UGT2A2: variants seen among roughly 807,000 people sequenced by gnomAD.
UGT2A2 encodes UDP-glucuronosyltransferase 2A2.
Under a neutral mutation model 50.7 loss-of-function variants are expected in UGT2A2, and 60 were observed. The observed-to-expected ratio is 1.18, with a 90% confidence interval of 0.96 to 1.47. UGT2A2 has a LOEUF of 1.47. Among genes scored for constraint, UGT2A2 ranks in the 40% most tolerant of loss-of-function variants. The pLI is 0.00. For missense variants in UGT2A2, 762 were observed against 634.0 expected (o/e 1.20, Z -2.17); for synonymous variants, 242 against 214.6 (o/e 1.13, Z -1.11).
chr4:69,637,463 G>A (rs912609965), intron 1 of UGT2A2, among the ~76,000 whole-genome samples: 2 of 152,092 alleles, frequency 1.3e-5, no homozygotes, highest in Admixed American at 6.5e-5. Flanking sequence ...ATTCAAGTTA[G>A]TTTATGTGTA....
chr4:69,596,509 CA>C, intron 2 of UGT2A2, 128 bp from the exon 3 acceptor site: 1 of 1,267,052 alleles, frequency 7.9e-7, no homozygotes, highest in South Asian at 2.4e-5. Context: ...TGTCTTCTGA[CA>C]TGTAGAAAGA....
chr4:69,612,162 A>G (rs1309340330), intron 1 of UGT2A2, among the ~76,000 whole-genome samples: 1 of 152,084 alleles, frequency 6.6e-6, no homozygotes, highest in Non-Finnish European at 1.5e-5. Flanking sequence ...ACAAGACTTC[A>G]TGTATGAAAA....
intron 1 of UGT2A2, among the ~76,000 whole-genome samples, chr4:69,608,263 C>G (rs1021666300): frequency 4.4e-4 from 67 of 152,198 alleles, no homozygotes; most frequent in African/African-American, 1.6e-3. Context: ...AGTTCATGTC[C>G]TTTGCAGGGA....
intron 1 of UGT2A2, among the ~76,000 whole-genome samples, chr4:69,614,553 A>G (rs921939305): frequency 2.0e-5 from 3 of 152,076 alleles, no homozygotes; most frequent in Admixed American, 2.0e-4. Context: ...GAGGAACTAC[A>G]TTACTTGACT....
At chr4:69,635,551 T>C (rs1009905711) in intron 1 of UGT2A2, 1 of 161,490 alleles carries the variant, frequency 6.2e-6, no homozygotes, top group African/African-American at 2.4e-5. Context: ...GTTCAGAGGC[T>C]GGGTGATGTG....
chr4:69,630,621 C>T (rs1721329261), intron 1 of UGT2A2, among the ~76,000 whole-genome samples: 1 of 151,988 alleles, frequency 6.6e-6, no homozygotes, highest in South Asian at 2.1e-4. Context: ...TAAGAAAACC[C>T]CAGAGGAATG....
chr4:69,608,636 GA>G (rs1332669314), intron 1 of UGT2A2, among the ~76,000 whole-genome samples: 1 of 151,610 alleles, frequency 6.6e-6, no homozygotes, highest in Non-Finnish European at 1.5e-5. Context: ...GGGAAAAAAT[GA>G]AAAAAATGCA....
At chr4:69,624,522 A>T (rs1720926208) in intron 1 of UGT2A2, among the ~76,000 whole-genome samples, 2 of 150,860 alleles carry the variant, frequency 1.3e-5, no homozygotes, top group Admixed American at 6.6e-5. Context: ...AAGTTACCTC[A>T]TCTCTTTTTT....
intron 1 of UGT2A2, among the ~76,000 whole-genome samples, chr4:69,630,557 A>G (rs1259323796): frequency 1.3e-5 from 2 of 152,154 alleles, no homozygotes; most frequent in Non-Finnish European, 2.9e-5. Flanking sequence ...TGTGAATATC[A>G]ATACTCCTCC....
intron 1 of UGT2A2, among the ~76,000 whole-genome samples, chr4:69,627,538 G>A (rs1454366916): frequency 4.8e-5 from 6 of 125,796 alleles, no homozygotes; most frequent in Non-Finnish European, 8.8e-5. Flanking sequence ...GAAAGAAAGA[G>A]AGAGAGAGAA....
At chr4:69,600,314 G>T (rs894516619) in intron 1 of UGT2A2, among the ~76,000 whole-genome samples, 1 of 152,206 alleles carries the variant, frequency 6.6e-6, no homozygotes, top group Non-Finnish European at 1.5e-5. Context: ...CCAGACTCCA[G>T]CAGGGACAGA....
chr4:69,605,284 A>G (rs773997692), intron 1 of UGT2A2, among the ~76,000 whole-genome samples: 3 of 137,192 alleles, frequency 2.2e-5, no homozygotes, highest in Non-Finnish European at 4.6e-5. Flanking sequence ...AAACCGCTCA[A>G]CTACATGGAA....
intron 1 of UGT2A2, among the ~76,000 whole-genome samples, chr4:69,618,149 G>C (rs1314896963): frequency 3.5e-4 from 53 of 151,344 alleles, no homozygotes; most frequent in African/African-American, 1.3e-3. Context: ...ATAATTCTAT[G>C]AGAAAATATT....
chr4:69,636,657 G>A lies in UGT2A2; in HGVS notation c.742+2242C>T, dbSNP rs1008589555. ...ACATACCAGAAACCATTTATTTTTT[G>A]TAGATTTTTTTGGCTACTTTCCATT... On this transcript the variant is annotated intron_variant, in intron 1 of 5. Coordinates refer to ENST00000604629, the MANE Select transcript of UGT2A2 (RefSeq NM_001105677.2). 4.6e-5 allele frequency among the ~76,000 whole-genome samples: 7 copies of A among 152,110 alleles called. No homozygotes were observed. In the South Asian group the frequency reaches 1.5e-3, roughly 32 times the overall value.
intron 5 of UGT2A2, among the ~76,000 whole-genome samples, 200 bp from the exon 6 acceptor site, chr4:69,589,851 A>T (rs1718489085): frequency 1.3e-5 from 2 of 152,344 alleles, no homozygotes; most frequent in African/African-American, 4.8e-5. Context: ...TATGCTTAAC[A>T]CAGTATGATC....
chr4:69,599,408 A>G lies in UGT2A2; in HGVS notation c.743-14T>C. 1.9e-6 allele frequency: 3 copies of G among 1,611,760 alleles called. No individual in the cohort carries two copies. The highest frequency in any genetic ancestry group is 2.5e-6 in the Non-Finnish European group (3 of 1,179,424). ...TAGTGGGTCTTCCTGGAGAAAATGT[A>G]ACAAGTTGGATGGAGGAAATTAGCT... On this transcript the variant is annotated splice_polypyrimidine_tract_variant and intron_variant, in intron 1 of 5. Transcript: ENST00000604629.
At chr4:69,598,953 C>A (rs1006237191) in intron 2 of UGT2A2, among the ~76,000 whole-genome samples, 2 of 152,102 alleles carry the variant, frequency 1.3e-5, no homozygotes, top group Non-Finnish European at 2.9e-5. Flanking sequence ...CAGTATCCTT[C>A]GTAATTTCTA....
chr4:69,618,835 C>CA (rs921444617), intron 1 of UGT2A2, among the ~76,000 whole-genome samples: 9 of 151,462 alleles, frequency 5.9e-5, no homozygotes, highest in African/African-American at 1.5e-4. Context: ...TATTAAATGA[C>CA]AAAAAAACAA....
At position 69,588,478 on chromosome 4, in the gene UGT2A2, G is replaced by T. The variant is rs1718379387; in HGVS notation, c.*894C>A. 1 of 151,930 alleles carries T rather than the reference G, an allele frequency of 6.6e-6. No homozygotes were observed. Among genetic ancestry groups the T allele is most frequent in the South Asian group, 2.1e-4 (1 of 4,820 alleles). 9.4% of individuals were successfully genotyped at this position (151,930 alleles called of 1,614,324 possible). Reference sequence around the variant, plus strand: ...AAAATTAAACTTTTGATTACAAATAGTGATTATATATTATGAACATTAGTG... The same window carrying T: ...AAAATTAAACTTTTGATTACAAATATTGATTATATATTATGAACATTAGTG... On this transcript the variant is annotated 3_prime_UTR_variant, in exon 6 of 6. Transcript: ENST00000604629.
Sources: gnomAD v4.1 joint callset for allele counts (sites outside exome capture counted in the v4.1 genomes callset) on GRCh38, gnomAD v4.1.1 for gene constraint, MANE v1.5 for transcripts, NCBI Gene and HGNC (gene_info 2026-07-23, HGNC 2026-07-21) for gene names.